DST: variants seen among roughly 807,000 people sequenced by gnomAD.
DST encodes dystonin.
A neutral mutation model predicts 875.2 loss-of-function variants in DST; 253 were observed. The ratio of observed to expected loss-of-function variants is 0.29; its 90% CI spans 0.26 to 0.32. The LOEUF is 0.32. Among genes scored for constraint, DST ranks in the 10% least tolerant of loss-of-function variants. DST has a pLI of 1.00. For synonymous variants in DST, 3,124 were observed against 3,197.1 expected, an observed-to-expected ratio of 0.98 and a Z score of 0.77; for missense variants, 8,287 against 9,111.6, an observed-to-expected ratio of 0.91 and a Z score of 3.68.
rs775738339 is a variant in DST, at chr6:56,631,883, C to T, written c.3963G>A (p.Glu1321=). 4 of 1,613,756 alleles carry T rather than the reference C, an allele frequency of 2.5e-6. No homozygotes were observed. The highest frequency in any genetic ancestry group is 2.2e-5 in the East Asian group (1 of 44,842). The change falls in exon 29 of 104, where the codon GAG becomes GAA. Residue 1321 remains glutamate, a splice_region_variant and synonymous_variant. Coordinates refer to ENST00000680361, the MANE Select transcript of DST (RefSeq NM_001374736.1). ...HESVFRITEQ[E]KLKKELERLK... is the part of the protein sequence containing the mutation. ...TTCCCAACATATTTATAGCTCTCAC[C>T]TCCTGTTCTGTGATTCTGAACACAC...
intron 2 of DST, among the ~76,000 whole-genome samples, chr6:56,940,669 T>C (rs1382326935): frequency 2.0e-5 from 3 of 151,976 alleles, no homozygotes; most frequent in Non-Finnish European, 4.4e-5. Flanking sequence ...AACCTTGACC[T>C]CCTGGGCTCA....
chr6:56,786,980 C>T (rs1257294040), intron 4 of DST, among the ~76,000 whole-genome samples: 2 of 152,220 alleles, frequency 1.3e-5, no homozygotes, highest in Non-Finnish European at 2.9e-5. Context: ...AAGGTAACAG[C>T]AATAACTAAT....
chr6:56,809,351 C>G (rs2099757066), intron 4 of DST, among the ~76,000 whole-genome samples: 1 of 152,196 alleles, frequency 6.6e-6, no homozygotes, highest in South Asian at 2.1e-4. Flanking sequence ...CTTTTTCTGT[C>G]AGGGCATCAG....
intron 4 of DST, among the ~76,000 whole-genome samples, chr6:56,850,675 C>A (rs187427525): frequency 5.6e-4 from 86 of 152,294 alleles, no homozygotes; most frequent in African/African-American, 1.9e-3. Flanking sequence ...ACACACAAAC[C>A]ACGCAGGGGT....
chr6:56,850,524 G>A (rs138473946), intron 4 of DST, among the ~76,000 whole-genome samples: 52 of 151,938 alleles, frequency 3.4e-4, no homozygotes, highest in African/African-American at 1.2e-3. Flanking sequence ...AAGAACACCT[G>A]GCCTTCTGCC....
chr6:56,694,750 G>C (rs916586082), intron 9 of DST, among the ~76,000 whole-genome samples: 11 of 152,082 alleles, frequency 7.2e-5, no homozygotes, highest in East Asian at 1.9e-4. Context: ...GGCCTAGTGG[G>C]GGGTGTCTGG....
At chr6:56,591,025 C>G (rs1007242359) in intron 49 of DST, among the ~76,000 whole-genome samples, 9 of 152,212 alleles carry the variant, frequency 5.9e-5, no homozygotes, top group African/African-American at 2.2e-4. Context: ...AGACAGCTGT[C>G]TAACTGGCAA....
chr6:56,942,706 C>CTTTTTTT (rs67354752), intron 2 of DST, among the ~76,000 whole-genome samples: 2 of 66,046 alleles, frequency 3.0e-5, no homozygotes, highest in African/African-American at 6.3e-5. Context: ...TGCCATTTCT[C>CTTTTTTT]TTTTTTTTTT....
At chr6:56,667,828 T>TATATATACAC (rs1554596727) in intron 10 of DST, among the ~76,000 whole-genome samples, 4 of 149,772 alleles carry the variant, frequency 2.7e-5, no homozygotes, top group African/African-American at 9.9e-5. Context: ...TATATATATA[T>TATATATACAC]ACACACACAC....
At chr6:56,735,440 T>C (rs1206832823) in intron 4 of DST, among the ~76,000 whole-genome samples, 151 bp from the exon 5 acceptor site, 3 of 152,188 alleles carry the variant, frequency 2.0e-5, no homozygotes, top group Non-Finnish European at 4.4e-5. Flanking sequence ...CTTCAGGCTA[T>C]CTGTAAGAAA....
rs563753652 is a variant in DST at position 56,753,879 on chromosome 6, T to C, written c.626-18590A>G. On this transcript the variant is annotated intron_variant, in intron 4 of 103. Transcript: ENST00000680361. ...GGCATATTCATTAACTAGACACTTG[T>C]TCATAGTTATGTCTACCCTTAAAAC... Among the ~76,000 whole-genome samples the C allele has an allele frequency of 2.4e-4, 36 of 152,338 alleles. No homozygotes were observed. In the South Asian group the frequency reaches 7.2e-3, roughly 31 times the overall value.
chr6:56,511,688 AT>A (rs996709829), intron 72 of DST, among the ~76,000 whole-genome samples: 3 of 152,152 alleles, frequency 2.0e-5, no homozygotes, highest in African/African-American at 7.2e-5. Context: ...AGAGTAGCAC[AT>A]TTTGACAAGA....
Position 56,606,507 on chromosome 6 carries a change from A to G in DST, c.8121T>C (p.His2707=). The G allele has an allele frequency of 6.2e-7, 1 of 1,613,372 alleles. No homozygotes were observed. The highest frequency in any genetic ancestry group is 8.5e-7 in the Non-Finnish European group (1 of 1,179,526). The change falls in exon 40 of 104, where the codon CAT becomes CAC. Residue 2707 remains histidine (H), a synonymous_variant. Transcript: ENST00000680361. ...CCTTATCTGAGCCAACAGGATTTAA[A>G]TGTATTTTTTCACCAGAATCTAATT... is the stretch of plus-strand genomic sequence containing the variant. The part of the protein sequence containing the change: ...KDELDSGEKI[H]LNPVGSDKVN...
intron 29 of DST, 116 bp from the exon 30 acceptor site, chr6:56,631,505 A>G (rs2098779607): frequency 3.6e-6 from 3 of 833,488 alleles, no homozygotes; most frequent in Non-Finnish European, 5.8e-6. Context: ...AGAAATCTAC[A>G]TATTCTTTGT....
At chr6:56,837,494 C>T (rs2099795092) in intron 4 of DST, among the ~76,000 whole-genome samples, 1 of 152,128 alleles carries the variant, frequency 6.6e-6, no homozygotes, top group African/African-American at 2.4e-5. Flanking sequence ...GTCCTCCGCG[C>T]TGCTGCCAGA....
chr6:56,624,626 G>C lies in DST; in HGVS notation c.4833C>G (p.Phe1611Leu), dbSNP rs1563270846. 1.4e-5 allele frequency: 22 copies of C among 1,602,164 alleles called. No homozygotes were observed. The highest frequency in any genetic ancestry group is 1.9e-5 in the Non-Finnish European group (22 of 1,169,680). ...QSSADLIIQEFMDLRTRYTAL... is the reference protein window; with the variant it reads ...QSSADLIIQELMDLRTRYTAL... ...CAGTATATCGAGTCCTTAGGTCCAT[G>C]AACTGCAAGTAAGGAAAAAAATAAT... is the stretch of plus-strand genomic sequence containing the variant. Residue 1611 changes from phenylalanine to leucine, a missense_variant and splice_region_variant, in exon 36 of 104, where the codon TTC becomes TTG. By Grantham distance (22) the Phe-to-Leu change is conservative (BLOSUM62 0). This residue lies in a region of DST where 3,138 missense variants were observed against 3,116.6 expected (regional missense o/e 1.01). Coordinates refer to ENST00000680361, the MANE Select transcript of DST (RefSeq NM_001374736.1).
At chr6:56,653,414 G>A (rs112115697) in intron 10 of DST, among the ~76,000 whole-genome samples, 11,843 of 152,178 alleles carry the variant, frequency 0.078, 1,470 homozygotes, top group African/African-American at 0.26. Context: ...AGCTGGGTGC[G>A]GTGGCTCATA....
At chr6:56,508,505 C>G (rs746768197) in intron 75 of DST, 24 bp downstream of exon 75, 3 of 1,582,076 alleles carry the variant, frequency 1.9e-6, no homozygotes, top group Non-Finnish European at 2.6e-6. Context: ...ATTTTTCTAA[C>G]TTTAAATGAG....
rs535296105 is a variant in DST at position 56,576,320 on chromosome 6, G to T, written c.13028-2433C>A. ...AAATGTAAGTAAAGTCTTTCTCTGA[G>T]TTCTGTGAGTCACTCTAGCAATTAA... On this transcript the variant is annotated intron_variant, in intron 50 of 103. Transcript: ENST00000680361. Among the ~76,000 whole-genome samples the T allele has an allele frequency of 2.0e-5, 3 of 152,248 alleles. No individual in the cohort carries two copies. In the East Asian group the frequency reaches 5.8e-4, roughly 29 times the overall value.
Sources: gnomAD v4.1 joint callset for allele counts (sites outside exome capture counted in the v4.1 genomes callset) on GRCh38, gnomAD v4.1.1 for gene constraint, gnomAD v4.1.1 regional missense constraint, MANE v1.5 for transcripts, NCBI Gene and HGNC (gene_info 2026-07-23, HGNC 2026-07-21) for gene names.